The following PCSK6 variants were observed in gnomAD, a reference collection of about 807,000 sequenced individuals.
PCSK6 encodes proprotein convertase subtilisin/kexin type 6.
PCSK6 carries 85 observed loss-of-function variants against 123.3 expected under a neutral mutation model. The ratio of observed to expected loss-of-function variants is 0.69; its 90% CI spans 0.58 to 0.83. The LOEUF (loss-of-function observed/expected upper bound fraction) is 0.83. Ranked by LOEUF, PCSK6 falls within the 40% of genes least tolerant of loss-of-function variation. The pLI, the probability that PCSK6 is intolerant of heterozygous loss-of-function variation, is 0.00. For synonymous variants in PCSK6, 508 were observed against 516.0 expected (o/e 0.98, Z 0.21); for missense variants, 1,191 against 1,282.3 (o/e 0.93, Z 1.09).
chr15:101,430,891 T>G (rs561352707), intron 4 of PCSK6, among the ~76,000 whole-genome samples: 1 of 152,346 alleles, frequency 6.6e-6, no homozygotes, highest in South Asian at 2.1e-4. Flanking sequence ...TGTTTACAGA[T>G]GAGGCACAGA....
At chr15:101,455,026 T>C (rs1486663012) in intron 1 of PCSK6, among the ~76,000 whole-genome samples, 2 of 150,764 alleles carry the variant, frequency 1.3e-5, no homozygotes, top group African/African-American at 5.0e-5. Flanking sequence ...TCTGAGAAAA[T>C]AAAAAAGTTC....
At chr15:101,371,906 T>A (rs897201574) in intron 11 of PCSK6, among the ~76,000 whole-genome samples, 6 of 152,192 alleles carry the variant, frequency 3.9e-5, no homozygotes, top group Non-Finnish European at 7.4e-5. Context: ...TGGACGATGG[T>A]TCCCTTTACA....
At chr15:101,396,473 A>G (rs1260378988) in intron 7 of PCSK6, among the ~76,000 whole-genome samples, 2 of 152,156 alleles carry the variant, frequency 1.3e-5, no homozygotes, top group Non-Finnish European at 2.9e-5. Context: ...ATCCAAAGCA[A>G]TATGTTCTAT....
chr15:101,424,661 G>T (rs2056194885), intron 6 of PCSK6, among the ~76,000 whole-genome samples: 1 of 152,212 alleles, frequency 6.6e-6, no homozygotes, highest in Non-Finnish European at 1.5e-5. Context: ...GTAGTTTGCG[G>T]TCAACTACAT....
At chr15:101,306,132 G>C (rs1403388195) in intron 21 of PCSK6, among the ~76,000 whole-genome samples, 5 of 151,480 alleles carry the variant, frequency 3.3e-5, no homozygotes, top group African/African-American at 1.2e-4. Context: ...ACAGGGAGGA[G>C]TGGGGATGGG....
intron 8 of PCSK6, among the ~76,000 whole-genome samples, chr15:101,391,485 C>T (rs755357411): frequency 1.3e-5 from 2 of 152,232 alleles, no homozygotes; most frequent in Non-Finnish European, 2.9e-5. Flanking sequence ...TAGTGCCACG[C>T]CTGGGACACA....
chr15:101,412,956 C>A (rs1390131819), intron 6 of PCSK6, among the ~76,000 whole-genome samples: 1 of 150,358 alleles, frequency 6.7e-6, no homozygotes, highest in Admixed American at 6.6e-5. Flanking sequence ...CCACTGCACT[C>A]CAGCCTGAGC....
intron 1 of PCSK6, among the ~76,000 whole-genome samples, chr15:101,486,743 T>C (rs2058029547): frequency 6.6e-6 from 1 of 152,138 alleles, no homozygotes; most frequent in Admixed American, 6.5e-5. Context: ...ATTAGTTGTA[T>C]GGAAGAAAGT....
At chr15:101,445,344 C>A (rs2056860459) in intron 1 of PCSK6, among the ~76,000 whole-genome samples, 1 of 152,172 alleles carries the variant, frequency 6.6e-6, no homozygotes, top group Admixed American at 6.5e-5. Flanking sequence ...AGACTAATAA[C>A]CACCACCCTG....
At chr15:101,435,927 C>T (rs1055540026) in intron 2 of PCSK6, among the ~76,000 whole-genome samples, 6 of 152,216 alleles carry the variant, frequency 3.9e-5, no homozygotes, top group East Asian at 1.9e-4. Context: ...ATCCTTTCAG[C>T]GAGCAGCCAT....
intron 13 of PCSK6, among the ~76,000 whole-genome samples, chr15:101,342,010 A>G (rs949575702): frequency 4.0e-5 from 6 of 151,756 alleles, no homozygotes; most frequent in East Asian, 3.9e-4. Context: ...CATGCCTGTA[A>G]TCCCAGCTAC....
chr15:101,458,435 C>A (rs1012322986), intron 1 of PCSK6, among the ~76,000 whole-genome samples: 1 of 152,090 alleles, frequency 6.6e-6, no homozygotes, highest in Non-Finnish European at 1.5e-5. Flanking sequence ...AGTCACTGGA[C>A]CCCCGGGCTG....
intron 11 of PCSK6, 46 bp from the exon 12 acceptor site, chr15:101,370,569 G>C: frequency 7.2e-7 from 1 of 1,393,352 alleles, no homozygotes; most frequent in South Asian, 1.7e-5. Flanking sequence ...GAAGCATGAA[G>C]TCTCACCCAC....
intron 6 of PCSK6, among the ~76,000 whole-genome samples, chr15:101,419,562 C>G (rs990835006): frequency 1.2e-4 from 18 of 148,156 alleles, no homozygotes; most frequent in Admixed American, 3.4e-4. Flanking sequence ...TGGAACTTGA[C>G]AAGCAGATTC....
rs1216925091 is a variant in PCSK6 at position 101,304,298 on chromosome 15, T to C, written c.*960A>G. On this transcript the variant is annotated 3_prime_UTR_variant, in exon 22 of 22. Coordinates refer to ENST00000611716, the MANE Select transcript of PCSK6 (RefSeq NM_002570.5). Reference sequence around the variant, plus strand: ...AACTGTGTCATGTAGGCTTGTAATATACACAGACACAGGAGTTTCCACCTT... The same window carrying C: ...AACTGTGTCATGTAGGCTTGTAATACACACAGACACAGGAGTTTCCACCTT... 1 of 152,548 alleles carries C rather than the reference T, an allele frequency of 6.6e-6. No individual in the cohort carries two copies. Among genetic ancestry groups the C allele is most frequent in the Non-Finnish European group, 1.5e-5 (1 of 68,040 alleles). 9.4% of individuals were successfully genotyped at this position (152,548 alleles called of 1,614,324 possible).
rs2056806265 is a variant in PCSK6, at chr15:101,443,401, G to A, written c.402+155C>T. On this transcript the variant is annotated intron_variant, in intron 2 of 21. Transcript: ENST00000611716. The stretch of plus-strand genomic sequence containing the variant: ...CTCACTCACATGATTTAGTTCAGAT[G>A]GTCTGATTCGTAGCTACACCTGTCT... 3.9e-5 allele frequency among the ~76,000 whole-genome samples: 6 copies of A among 152,300 alleles called. No individual in the cohort carries two copies. In the South Asian group the frequency reaches 1.2e-3, roughly 32 times the overall value.
At chr15:101,347,147 T>C (rs961291646) in intron 13 of PCSK6, 6 of 1,231,646 alleles carry the variant, frequency 4.9e-6, no homozygotes, top group South Asian at 4.1e-5. Context: ...AATGAGAGTT[T>C]AGTGACAAAC....
intron 6 of PCSK6, among the ~76,000 whole-genome samples, chr15:101,414,754 A>AGATG (rs199903117): frequency 0.044 from 6,620 of 152,110 alleles, 495 homozygotes; most frequent in African/African-American, 0.15. Flanking sequence ...ATGGACGGAC[A>AGATG]GATGGATGGA....
At chr15:101,308,191 G>T (rs1596161622) in intron 20 of PCSK6, 1 of 152,316 alleles carries the variant, frequency 6.6e-6, no homozygotes, top group Admixed American at 6.5e-5. Context: ...CTATGCTGCT[G>T]CCTGTCCTGA....
Sources: allele counts gnomAD v4.1 joint callset (sites outside exome capture counted in the v4.1 genomes callset), GRCh38; gene constraint gnomAD v4.1.1; transcripts MANE v1.5; gene names NCBI Gene and HGNC (gene_info 2026-07-23, HGNC 2026-07-21).